The following AKAP12 variants were observed in gnomAD, a reference collection of about 807,000 sequenced individuals.
AKAP12 encodes A-kinase anchor protein 12.
A neutral mutation model predicts 79.9 loss-of-function variants in AKAP12; 32 were observed. The ratio of observed to expected loss-of-function variants is 0.40; its 90% CI spans 0.30 to 0.54. AKAP12 has a LOEUF of 0.54. AKAP12 is among the 20% of genes least tolerant of loss of function. The pLI, the probability that AKAP12 is intolerant of heterozygous loss-of-function variation, is 0.48. For synonymous variants in AKAP12, 808 were observed against 857.0 expected, an observed-to-expected ratio of 0.94 and a Z score of 1.00; for missense variants, 2,074 against 2,177.0, an observed-to-expected ratio of 0.95 and a Z score of 0.94.
At chr6:151,277,055 C>CA (rs1255621037) in intron 2 of AKAP12, among the ~76,000 whole-genome samples, 1 of 152,192 alleles carries the variant, frequency 6.6e-6, no homozygotes, top group Non-Finnish European at 1.5e-5. Flanking sequence ...ACAAATACAA[C>CA]AACCTGTGCA....
chr6:151,341,897 C>A, intron 3 of AKAP12: 1 of 871,548 alleles, frequency 1.1e-6, no homozygotes, highest in Non-Finnish European at 1.5e-6. Context: ...CCGTGGCATC[C>A]CAGCCCAGGC....
Position 151,348,697 on chromosome 6 carries a change from C to CCCCCCCT in AKAP12, c.320-14_320-13insCCCCCCT. 7.7e-6 allele frequency: 5 copies of CCCCCCCT among 650,662 alleles called. No individual in the cohort carries two copies. Among genetic ancestry groups the CCCCCCCT allele is most frequent in the South Asian group, 2.5e-5 (1 of 40,482 alleles). 40.3% of individuals were successfully genotyped at this position (650,662 alleles called of 1,614,324 possible). Reference sequence around the variant, plus strand: ...TTCTCTTCTCCCCACCCCCCCGCCCCTTTTTGTTAATAGTTGGACAGAGAG... The same window carrying CCCCCCCT: ...TTCTCTTCTCCCCACCCCCCCGCCCCCCCCCCTTTTTTGTTAATAGTTGGACAGAGAG... On this transcript the variant is annotated splice_polypyrimidine_tract_variant and intron_variant, in intron 3 of 4. Coordinates refer to ENST00000402676, the MANE Select transcript of AKAP12 (RefSeq NM_005100.4).
At chr6:151,299,764 T>C (rs2114747944) in intron 2 of AKAP12, among the ~76,000 whole-genome samples, 1 of 152,184 alleles carries the variant, frequency 6.6e-6, no homozygotes, top group Non-Finnish European at 1.5e-5. Context: ...GGGTTTTTTT[T>C]TTTTTTGCTA....
chr6:151,351,384 A>G lies in AKAP12; in HGVS notation c.2993A>G (p.Glu998Gly), dbSNP rs141372459. 5.0e-5 allele frequency: 80 copies of G among 1,614,110 alleles called. No homozygotes were observed. Among genetic ancestry groups the G allele is most frequent in the Non-Finnish European group, 6.3e-5 (74 of 1,180,042 alleles). The change falls in exon 4 of 5, where the codon GAG becomes GGG. Residue 998 changes from glutamate (E) to glycine (G), a missense_variant. Transcript: ENST00000402676. The surrounding 1 kb of genome is among the most constrained non-coding windows in gnomAD (Gnocchi z 4.4). Reference sequence around the variant, plus strand: ...GGAACCGAAGCATCTGCTGCTGAAGAGACCACAGAAATGGTGTCAGCAGTC... The same window carrying G: ...GGAACCGAAGCATCTGCTGCTGAAGGGACCACAGAAATGGTGTCAGCAGTC... The part of the protein sequence containing the change: ...EEGTEASAAE[E>G]TTEMVSAVSQ...
At chr6:151,276,995 A>G (rs925347378) in intron 2 of AKAP12, among the ~76,000 whole-genome samples, 3 of 152,202 alleles carry the variant, frequency 2.0e-5, no homozygotes, top group Non-Finnish European at 4.4e-5. Context: ...AATTTAAGTC[A>G]AATCTTGCTC....
chr6:151,277,256 A>G (rs1776306158), intron 2 of AKAP12, among the ~76,000 whole-genome samples: 1 of 152,198 alleles, frequency 6.6e-6, no homozygotes, highest in Non-Finnish European at 1.5e-5. Context: ...GTCAGTTATG[A>G]ATGTCACGTA....
At chr6:151,267,785 G>A (rs1776079399) in intron 2 of AKAP12, among the ~76,000 whole-genome samples, 1 of 152,130 alleles carries the variant, frequency 6.6e-6, no homozygotes, top group South Asian at 2.1e-4. Flanking sequence ...GCTTTTCATA[G>A]GCAAAAAATA....
chr6:151,331,151 T>C (rs1441934975), intron 3 of AKAP12, among the ~76,000 whole-genome samples: 1 of 152,200 alleles, frequency 6.6e-6, no homozygotes, highest in Non-Finnish European at 1.5e-5. Context: ...ATGAAATGAT[T>C]TCAAGTTTTG....
At chr6:151,240,978 G>A (rs7773781) in intron 2 of AKAP12, among the ~76,000 whole-genome samples, 1 of 152,016 alleles carries the variant, frequency 6.6e-6, no homozygotes, top group African/African-American at 2.4e-5. Context: ...ACTGCGCCAT[G>A]CGCAATAATA....
At chr6:151,333,069 G>A (rs1239139622) in intron 3 of AKAP12, among the ~76,000 whole-genome samples, 2 of 152,210 alleles carry the variant, frequency 1.3e-5, no homozygotes, top group African/African-American at 4.8e-5. Flanking sequence ...CCAAATCAAA[G>A]ATGGAGCTTT....
At chr6:151,305,726 A>C (rs988540288) in intron 2 of AKAP12, 21 bp from the exon 3 acceptor site, 8 of 1,594,226 alleles carry the variant, frequency 5.0e-6, no homozygotes, top group Non-Finnish European at 6.8e-6. Context: ...TTAAGTTTCT[A>C]TGGCTTTGTC....
At chr6:151,287,823 A>G (rs1346814494) in intron 2 of AKAP12, among the ~76,000 whole-genome samples, 1 of 152,222 alleles carries the variant, frequency 6.6e-6, no homozygotes, top group African/African-American at 2.4e-5. Flanking sequence ...CCAAATGCCC[A>G]TCAATGATAG....
intron 3 of AKAP12, among the ~76,000 whole-genome samples, chr6:151,329,069 G>A (rs1777606122): frequency 1.3e-5 from 2 of 152,020 alleles, no homozygotes; most frequent in African/African-American, 2.4e-5. Context: ...GATGTGACAC[G>A]ATGATCATCC....
chr6:151,351,644 G>C lies in AKAP12; in HGVS notation c.3253G>C (p.Gly1085Arg). ...ACCAGAAGAGCAGGCTGAAGCGTCG[G>C]GTCTGAAGAAAGAGACGGATGTAGT... Reference protein sequence around the residue: ...ERPEEQAEASGLKKETDVVLK... With the variant: ...ERPEEQAEASRLKKETDVVLK... The change falls in exon 4 of 5, where the codon GGT becomes CGT. Residue 1085 changes from glycine to arginine, a missense_variant. Gly to Arg is a moderately radical substitution (Grantham distance 125). Transcript: ENST00000402676. The surrounding 1 kb of genome is among the most constrained non-coding windows in gnomAD (Gnocchi z 4.4). The C allele has an allele frequency of 6.2e-7, 1 of 1,614,150 alleles. No individual in the cohort carries two copies. Among genetic ancestry groups the C allele is most frequent in the Non-Finnish European group, 8.5e-7 (1 of 1,180,042 alleles).
At chr6:151,287,418 G>A (rs1562722327) in intron 2 of AKAP12, among the ~76,000 whole-genome samples, 2 of 151,944 alleles carry the variant, frequency 1.3e-5, no homozygotes, top group Non-Finnish European at 1.5e-5. Flanking sequence ...AAGTCAGCAC[G>A]CCCAGCCAAT....
At chr6:151,314,898 A>C (rs1422719347) in intron 3 of AKAP12, among the ~76,000 whole-genome samples, 1 of 152,066 alleles carries the variant, frequency 6.6e-6, no homozygotes, top group African/African-American at 2.4e-5. Context: ...CTAAAAATAC[A>C]AAAATTAGCC....
Position 151,349,988 on chromosome 6 carries a change from CAGAAAG to C in AKAP12, c.1598_1603del (p.Gln533_Gly535delinsArg), listed in dbSNP as rs761209497. On this transcript the variant is annotated inframe_deletion, in exon 4 of 5. Transcript: ENST00000402676. Reference sequence around the variant, plus strand: ...CTTAAAAAAGCTTTCTGGAAAGAAACAGAAAGGGAAAAGAGGAGGAGGAGACGAGGA... The same window carrying C: ...CTTAAAAAAGCTTTCTGGAAAGAAACGGAAAAGAGGAGGAGGAGACGAGGA... 1 of 1,613,948 alleles carries C rather than the reference CAGAAAG, an allele frequency of 6.2e-7. No individual in the cohort carries two copies. Among genetic ancestry groups the C allele is most frequent in the African/African-American group, 1.3e-5 (1 of 74,970 alleles).
chr6:151,325,429 C>T, intron 3 of AKAP12: 1 of 985,458 alleles, frequency 1.0e-6, no homozygotes, highest in Non-Finnish European at 1.2e-6. Flanking sequence ...AACTCATGCC[C>T]AGCACCCTTT....
At chr6:151,312,735 T>C (rs1777142124) in intron 3 of AKAP12, among the ~76,000 whole-genome samples, 1 of 139,372 alleles carries the variant, frequency 7.2e-6, no homozygotes, top group South Asian at 2.2e-4. Flanking sequence ...GAGGTTGTAG[T>C]AAGCCGAGAT....
Sources: gnomAD v4.1 joint callset for allele counts (sites outside exome capture counted in the v4.1 genomes callset) on GRCh38, gnomAD v4.1.1 for gene constraint, Gnocchi (gnomAD v3.1) non-coding constraint, MANE v1.5 for transcripts, NCBI Gene and HGNC (gene_info 2026-07-23, HGNC 2026-07-21) for gene names.